Variants in REPS1 observed in about 807,000 individuals in gnomAD.
REPS1 encodes ralBP1-associated Eps domain-containing protein 1.
A neutral mutation model predicts 100.9 loss-of-function variants in REPS1; 39 were observed. The ratio of observed to expected loss-of-function variants is 0.39; its 90% CI spans 0.30 to 0.50. The LOEUF (loss-of-function observed/expected upper bound fraction) is 0.50, where lower values mean the gene tolerates loss of function less well. REPS1 is among the 20% of genes least tolerant of loss of function. REPS1 has a pLI of 0.86. For synonymous variants in REPS1, 324 were observed against 340.3 expected (o/e 0.95, Z 0.53); for missense variants, 821 against 968.5 (o/e 0.85, Z 2.02).
At chr6:138,962,844 A>C (rs149424085) in intron 1 of REPS1, among the ~76,000 whole-genome samples, 114 of 152,310 alleles carry the variant, frequency 7.5e-4, no homozygotes, top group African/African-American at 2.5e-3. Context: ...CACAGTGTCA[A>C]TATATATTTG....
chr6:138,957,003 C>G (rs1182476003), intron 1 of REPS1, among the ~76,000 whole-genome samples: 1 of 150,642 alleles, frequency 6.6e-6, no homozygotes, highest in East Asian at 1.9e-4. Context: ...AAAATGTCTC[C>G]AGAAGTAGGA....
intron 16 of REPS1, among the ~76,000 whole-genome samples, chr6:138,911,941 G>C (rs1364439791): frequency 6.6e-6 from 1 of 152,198 alleles, no homozygotes; most frequent in Non-Finnish European, 1.5e-5. Context: ...TGGTTAGTCT[G>C]GGAAGTCTTC....
chr6:138,987,789 T>G lies in REPS1; in HGVS notation c.-107A>C. Reference sequence around the variant, plus strand: ...CGCGTGGCCCGGCCTCCTGCTAGCTTCCCGAAAACGCCGGCCCCGGCCTCA... The same window carrying G: ...CGCGTGGCCCGGCCTCCTGCTAGCTGCCCGAAAACGCCGGCCCCGGCCTCA... On this transcript the variant is annotated 5_prime_UTR_variant, in exon 1 of 20. Coordinates refer to ENST00000450536, the MANE Select transcript of REPS1 (RefSeq NM_001286611.2). 3 of 1,320,740 alleles carry G rather than the reference T, an allele frequency of 2.3e-6. No individual in the cohort carries two copies. The highest frequency in any genetic ancestry group is 2.9e-6 in the Non-Finnish European group (3 of 1,019,304). 81.8% of individuals were successfully genotyped at this position (1,320,740 alleles called of 1,614,324 possible).
In REPS1 at chr6:138,947,778, C is replaced by T; in HGVS notation, c.277+12G>A. ...CTATTTTCTTTCGGTTACTAGTGTA[C>T]TCTATATTTACCTGTATTTATACTT... On this transcript the variant is annotated intron_variant, in intron 2 of 19. Coordinates refer to ENST00000450536, the MANE Select transcript of REPS1 (RefSeq NM_001286611.2). The T allele has an allele frequency of 1.3e-6, 2 of 1,571,956 alleles. No homozygotes were observed. The highest frequency in any genetic ancestry group is 1.7e-6 in the Non-Finnish European group (2 of 1,164,178).
At chr6:138,945,977 T>C (rs983218987) in intron 2 of REPS1, among the ~76,000 whole-genome samples, 7 of 152,142 alleles carry the variant, frequency 4.6e-5, no homozygotes, top group Admixed American at 4.6e-4. Context: ...TACTTGCCAC[T>C]GAATATTTAT....
intron 17 of REPS1, 64 bp from the exon 18 acceptor site, chr6:138,908,880 A>G: frequency 6.8e-7 from 1 of 1,475,300 alleles, no homozygotes; most frequent in Non-Finnish European, 9.2e-7. Context: ...AGCACTTTGC[A>G]ACACCATTTG....
intron 1 of REPS1, among the ~76,000 whole-genome samples, chr6:138,969,541 G>A (rs867206351): frequency 4.9e-4 from 73 of 148,772 alleles, no homozygotes; most frequent in African/African-American, 1.7e-3. Flanking sequence ...CATCTGCCTC[G>A]GCCTCCCAAA....
intron 1 of REPS1, 57 bp downstream of exon 1, chr6:138,987,473 C>G: frequency 6.9e-7 from 1 of 1,453,344 alleles, no homozygotes; most frequent in Non-Finnish European, 9.1e-7. Flanking sequence ...ACTCCCACTC[C>G]TGGAGGCCAG....
Position 138,940,744 on chromosome 6 carries a change from C to CA in REPS1, c.1135+590dup, listed in dbSNP as rs970990893. 1.2e-4 allele frequency among the ~76,000 whole-genome samples: 13 copies of CA among 108,022 alleles called. No homozygotes were observed. In the South Asian group the frequency reaches 2.8e-3, roughly 23 times the overall value. 70.9% of individuals were successfully genotyped at this position (108,022 alleles called of 152,430 possible). A position where few individuals can be genotyped will look rare whatever the true frequency, so the allele number is the denominator to read the frequency against. On this transcript the variant is annotated intron_variant, in intron 8 of 19. Transcript: ENST00000450536. ...CTGGTGACAGAACGAGACTCCAACT[C>CA]AAAAAAAAGAAAAAAGAAAAAAAAA... is the stretch of plus-strand genomic sequence containing the variant.
intron 14 of REPS1, 56 bp downstream of exon 14, chr6:138,915,802 G>T: frequency 8.1e-7 from 1 of 1,238,936 alleles, no homozygotes; most frequent in Non-Finnish European, 1.2e-6. Flanking sequence ...GTGTATGTGT[G>T]TTGGATTAAC....
chr6:138,921,648 C>G (rs1780770134), intron 10 of REPS1, among the ~76,000 whole-genome samples: 1 of 128,960 alleles, frequency 7.8e-6, no homozygotes, highest in Non-Finnish European at 1.6e-5. Context: ...GTGATCTTGG[C>G]TCACTGCAAC....
intron 16 of REPS1, 84 bp downstream of exon 16, chr6:138,912,681 C>G: frequency 7.9e-7 from 1 of 1,260,550 alleles, no homozygotes; most frequent in Non-Finnish European, 1.2e-6. Flanking sequence ...TCACTGATGT[C>G]CCCTCTAATA....
At chr6:138,976,502 C>G (rs1397713481) in intron 1 of REPS1, among the ~76,000 whole-genome samples, 2 of 152,110 alleles carry the variant, frequency 1.3e-5, no homozygotes, top group Admixed American at 1.3e-4. Context: ...CAAAGCAACC[C>G]AAAATAGTCC....
At chr6:138,966,863 A>C (rs1246320244) in intron 1 of REPS1, among the ~76,000 whole-genome samples, 2 of 152,214 alleles carry the variant, frequency 1.3e-5, no homozygotes, top group Non-Finnish European at 2.9e-5. Context: ...AAATTTCCTT[A>C]CATTTCATAT....
chr6:138,940,200 AT>A (rs1198874577), intron 8 of REPS1, among the ~76,000 whole-genome samples: 1 of 152,176 alleles, frequency 6.6e-6, no homozygotes, highest in African/African-American at 2.4e-5. Flanking sequence ...GACCATGTAT[AT>A]TTTTAGGTTA....
Position 138,987,841 on chromosome 6 carries a change from G to A in REPS1, c.-159C>T, listed in dbSNP as rs531598117. 2.7e-3 allele frequency: 2,252 copies of A among 824,130 alleles called. 41 individuals carry two copies. In the African/African-American group the frequency reaches 0.036, roughly 13 times the overall value. The allele number at this position is 824,130 out of a possible 1,614,324, so 51.1% of individuals were successfully genotyped here. A position where few individuals can be genotyped will look rare whatever the true frequency, so the allele number is the denominator to read the frequency against. ...ACGCGCCAGGTGCGCCCGAGCAACAGGGCCCGGAGGTCGCGAGGAGGGGGC... is the reference window on the plus strand; with the variant it reads ...ACGCGCCAGGTGCGCCCGAGCAACAAGGCCCGGAGGTCGCGAGGAGGGGGC... On this transcript the variant is annotated 5_prime_UTR_variant, in exon 1 of 20. Transcript: ENST00000450536.
In REPS1 at chr6:138,926,518, G is replaced by A. The variant is rs748564382; in HGVS notation, c.1258-37C>T. ...GAGGAGAGACAAGTCAGCATGATGAGAAAGATGGAGTAAAAGATCACTGGA... is the reference window on the plus strand; with the variant it reads ...GAGGAGAGACAAGTCAGCATGATGAAAAAGATGGAGTAAAAGATCACTGGA... On this transcript the variant is annotated intron_variant, in intron 9 of 19. Transcript: ENST00000450536. The A allele has an allele frequency of 4.3e-6, 6 of 1,397,732 alleles. No homozygotes were observed. The Admixed American group carries it at 8.7e-5, about 20-fold the overall frequency. The allele number at this position is 1,397,732 out of a possible 1,614,324, so 86.6% of individuals were successfully genotyped here.
At chr6:138,941,911 C>T (rs1782280804) in intron 7 of REPS1, among the ~76,000 whole-genome samples, 2 of 152,144 alleles carry the variant, frequency 1.3e-5, no homozygotes, top group Admixed American at 6.5e-5. Flanking sequence ...TGGAATCTCG[C>T]TCTGTCACCC....
intron 1 of REPS1, among the ~76,000 whole-genome samples, chr6:138,984,738 C>T (rs1040243268): frequency 6.6e-6 from 1 of 152,152 alleles, no homozygotes; most frequent in African/African-American, 2.4e-5. Context: ...CCCTGACAAA[C>T]GACTCCTAAA....
Sources: gnomAD v4.1 joint callset for allele counts (sites outside exome capture counted in the v4.1 genomes callset) on GRCh38, gnomAD v4.1.1 for gene constraint, MANE v1.5 for transcripts, NCBI Gene and HGNC (gene_info 2026-07-23, HGNC 2026-07-21) for gene names.